Variants in ZNF385D observed in about 807,000 individuals in gnomAD.
ZNF385D encodes the protein zinc finger protein 385D.
A neutral mutation model predicts 35.8 loss-of-function variants in ZNF385D; 15 were observed. The ratio of observed to expected loss-of-function variants is 0.42; its 90% confidence interval spans 0.28 to 0.64. The LOEUF (loss-of-function observed/expected upper bound fraction) is 0.64, where lower values mean the gene tolerates loss of function less well. Ranked by LOEUF, ZNF385D falls within the 30% of genes least tolerant of loss-of-function variation. The pLI, the probability that ZNF385D is intolerant of heterozygous loss-of-function variation, is 0.23. For synonymous variants in ZNF385D, 212 were observed against 186.8 expected (o/e 1.13, Z -1.10); for missense variants, 474 against 494.6 (o/e 0.96, Z 0.39).
At chr3:22,027,101 T>C (rs1417651456) in intron 3 of ZNF385D, among the ~76,000 whole-genome samples, 1 of 152,224 alleles carries the variant, frequency 6.6e-6, no homozygotes, top group Non-Finnish European at 1.5e-5. Context: ...AGTGCAGCAA[T>C]ATACCTTTAC....
At chr3:21,856,235 C>G (rs1424107124) in intron 3 of ZNF385D, among the ~76,000 whole-genome samples, 1 of 152,036 alleles carries the variant, frequency 6.6e-6, no homozygotes, top group Non-Finnish European at 1.5e-5. Flanking sequence ...TCACAGACTT[C>G]TTTGATGGAT....
intron 2 of ZNF385D, among the ~76,000 whole-genome samples, chr3:22,169,728 C>T (rs1487068877): frequency 2.6e-5 from 4 of 152,288 alleles, no homozygotes; most frequent in East Asian, 1.9e-4. Flanking sequence ...GATAAATGTA[C>T]GCTTTGTATA....
At chr3:21,845,973 A>G (rs1012295538) in intron 3 of ZNF385D, among the ~76,000 whole-genome samples, 1 of 152,044 alleles carries the variant, frequency 6.6e-6, no homozygotes, top group African/African-American at 2.4e-5. Flanking sequence ...AAAGTACTTA[A>G]AGCATGCTCA....
At chr3:21,653,534 A>C (rs1252748573) in intron 2 of ZNF385D, among the ~76,000 whole-genome samples, 4 of 152,108 alleles carry the variant, frequency 2.6e-5, no homozygotes, top group African/African-American at 9.7e-5. Flanking sequence ...TACACAATAT[A>C]TGTATGTTTT....
intron 1 of ZNF385D, 112 bp downstream of exon 1, chr3:21,750,783 A>C: frequency 7.5e-7 from 1 of 1,339,202 alleles, no homozygotes; most frequent in Non-Finnish European, 1.1e-6. Flanking sequence ...TGCCAACTGG[A>C]GGTAGGTTTA....
chr3:21,678,110 T>G (rs2066784652), intron 1 of ZNF385D, among the ~76,000 whole-genome samples: 2 of 152,042 alleles, frequency 1.3e-5, no homozygotes, highest in African/African-American at 4.8e-5. Context: ...CCCTCAACAT[T>G]AGGGCATCCA....
chr3:21,982,674 G>A (rs760925195), intron 3 of ZNF385D, among the ~76,000 whole-genome samples: 6 of 152,132 alleles, frequency 3.9e-5, no homozygotes, highest in Non-Finnish European at 8.8e-5. Flanking sequence ...TATTCAAGGG[G>A]AATACTGCTA....
chr3:21,435,439 A>T (rs1701503450), intron 5 of ZNF385D, among the ~76,000 whole-genome samples: 1 of 151,390 alleles, frequency 6.6e-6, no homozygotes, highest in Non-Finnish European at 1.5e-5. Context: ...TTTTTTCATA[A>T]TTTTTTGTGG....
chr3:21,946,275 A>G (rs549426936), intron 3 of ZNF385D, among the ~76,000 whole-genome samples: 4 of 152,308 alleles, frequency 2.6e-5, no homozygotes, highest in African/African-American at 9.6e-5. Flanking sequence ...TTAATAGTCT[A>G]TTAGTTATTT....
chr3:21,663,461 G>A (rs545306441), intron 2 of ZNF385D, among the ~76,000 whole-genome samples: 2 of 152,152 alleles, frequency 1.3e-5, no homozygotes, highest in East Asian at 1.9e-4. Flanking sequence ...GCACCTTGAT[G>A]GGTAATTCCC....
intron 2 of ZNF385D, among the ~76,000 whole-genome samples, chr3:21,594,795 G>T (rs2064083612): frequency 6.6e-6 from 1 of 151,990 alleles, no homozygotes; most frequent in Non-Finnish European, 1.5e-5. Context: ...ATATCTGCTG[G>T]CCATGACCCA....
intron 3 of ZNF385D, among the ~76,000 whole-genome samples, chr3:22,092,686 T>G (rs1204461612): frequency 6.6e-6 from 1 of 152,140 alleles, no homozygotes; most frequent in Non-Finnish European, 1.5e-5. Context: ...AACAGTTCTG[T>G]TTATTCTTTG....
chr3:21,551,724 G>A (rs1276193108), intron 3 of ZNF385D, among the ~76,000 whole-genome samples: 1 of 152,104 alleles, frequency 6.6e-6, no homozygotes, highest in South Asian at 2.1e-4. Context: ...CCCCATGTAT[G>A]TTTCATATGA....
At chr3:22,327,537 G>A (rs1694734989) in intron 2 of ZNF385D, among the ~76,000 whole-genome samples, 1 of 152,116 alleles carries the variant, frequency 6.6e-6, no homozygotes, top group Non-Finnish European at 1.5e-5. Context: ...ACATTTCCAT[G>A]CATCGTTTCG....
At chr3:21,963,450 G>T (rs577831998) in intron 3 of ZNF385D, among the ~76,000 whole-genome samples, 1 of 152,238 alleles carries the variant, frequency 6.6e-6, no homozygotes, top group East Asian at 1.9e-4. Context: ...TTTATTTACT[G>T]CTTCTATCAT....
At chr3:22,079,693 T>C (rs1700649399) in intron 3 of ZNF385D, among the ~76,000 whole-genome samples, 1 of 152,040 alleles carries the variant, frequency 6.6e-6, no homozygotes. Context: ...CAAAACCAGA[T>C]TAAATATGTC....
chr3:22,008,446 G>A (rs1013944828), intron 3 of ZNF385D, among the ~76,000 whole-genome samples: 3 of 149,566 alleles, frequency 2.0e-5, no homozygotes, highest in Non-Finnish European at 4.4e-5. Flanking sequence ...TCCGCCCCCC[G>A]GAGTTCACAA....
intron 3 of ZNF385D, among the ~76,000 whole-genome samples, chr3:21,905,821 C>T (rs1035168521): frequency 6.6e-6 from 1 of 152,004 alleles, no homozygotes; most frequent in Non-Finnish European, 1.5e-5. Flanking sequence ...CATATATTTG[C>T]TTTATATGTA....
intron 3 of ZNF385D, among the ~76,000 whole-genome samples, chr3:22,072,822 G>C (rs79944305): frequency 0.064 from 9,729 of 151,962 alleles, 418 homozygotes; most frequent in East Asian, 0.11. Flanking sequence ...CAAAAGGAAA[G>C]GTAAGGACTG....
Sources: allele counts gnomAD v4.1 joint callset (sites outside exome capture counted in the v4.1 genomes callset), GRCh38; gene constraint gnomAD v4.1.1; transcripts MANE v1.5; gene names NCBI Gene and HGNC (gene_info 2026-07-23, HGNC 2026-07-21).